The following NBEA variants were observed in gnomAD, a reference collection of about 807,000 sequenced individuals.
The protein encoded by NBEA is lysosomal-trafficking regulator 2.
In NBEA, 44 loss-of-function variants were observed where a neutral mutation model predicts 343.4. The observed-to-expected ratio is 0.13, with a 90% CI of 0.10 to 0.16. The LOEUF is 0.16. NBEA is among the 10% of genes least tolerant of loss of function. The pLI is 1.00. For missense variants in NBEA, 2,555 were observed against 3,631.3 expected, an observed-to-expected ratio of 0.70 and a Z score of 7.62; for synonymous variants, 1,175 against 1,238.7, an observed-to-expected ratio of 0.95 and a Z score of 1.08.
intron 10 of NBEA, among the ~76,000 whole-genome samples, chr13:35,084,296 C>T (rs1009369932): frequency 2.0e-5 from 3 of 152,140 alleles, no homozygotes; most frequent in Non-Finnish European, 4.4e-5. Context: ...CCACACCACA[C>T]CTATTCCAAA....
At chr13:35,133,464 T>C (rs112573264) in intron 17 of NBEA, among the ~76,000 whole-genome samples, 1 of 152,084 alleles carries the variant, frequency 6.6e-6, no homozygotes. Context: ...AATATACTTA[T>C]ACTCTATGAC....
Position 35,520,667 on chromosome 13 carries a change from C to G in NBEA, c.6586-29810C>G, listed in dbSNP as rs1198197753. ...CAACTAGCTTCAGGAATTGATTCCCCTATTTCTCTCTTCCAGTACTATTAT... is the reference window on the plus strand; with the variant it reads ...CAACTAGCTTCAGGAATTGATTCCCGTATTTCTCTCTTCCAGTACTATTAT... On this transcript the variant is annotated intron_variant, in intron 41 of 58. Coordinates refer to ENST00000379939, the MANE Select transcript of NBEA (RefSeq NM_001385012.1). Among the ~76,000 whole-genome samples the G allele has an allele frequency of 3.9e-5, 6 of 152,106 alleles. No homozygotes were observed. In the East Asian group the frequency reaches 1.2e-3, roughly 29 times the overall value.
intron 10 of NBEA, among the ~76,000 whole-genome samples, chr13:35,076,802 C>T (rs2064140009): frequency 1.3e-5 from 2 of 152,056 alleles, no homozygotes; most frequent in East Asian, 3.8e-4. Context: ...GTCTTACTAT[C>T]TTCTAACAGG....
intron 1 of NBEA, among the ~76,000 whole-genome samples, chr13:35,014,736 A>C (rs1341781220): frequency 6.6e-6 from 1 of 151,382 alleles, no homozygotes; most frequent in Non-Finnish European, 1.5e-5. Flanking sequence ...GTGGGAGCAG[A>C]CACCAGACAA....
At chr13:35,072,963 T>A (rs932520939) in intron 10 of NBEA, among the ~76,000 whole-genome samples, 5 of 152,240 alleles carry the variant, frequency 3.3e-5, no homozygotes, top group Admixed American at 3.3e-4. Flanking sequence ...AGTTATGTAC[T>A]ATTTTTAATT....
intron 34 of NBEA, among the ~76,000 whole-genome samples, chr13:35,281,884 A>T (rs982199900): frequency 6.6e-6 from 1 of 151,942 alleles, no homozygotes; most frequent in Non-Finnish European, 1.5e-5. Context: ...GCTTAAAAGG[A>T]TTTATATTTT....
chr13:35,628,055 C>G (rs1362728565), intron 48 of NBEA, 26 bp from the exon 49 acceptor site: 1 of 1,587,154 alleles, frequency 6.3e-7, no homozygotes, highest in Non-Finnish European at 8.6e-7. Context: ...TTGATGGTCT[C>G]TCATTTCTTT....
chr13:35,609,347 C>A (rs1278117288), intron 48 of NBEA, among the ~76,000 whole-genome samples: 1 of 152,116 alleles, frequency 6.6e-6, no homozygotes, highest in Non-Finnish European at 1.5e-5. Flanking sequence ...TCAGTGGTAC[C>A]CATTCCATTC....
chr13:35,160,499 A>G (rs1317571526), intron 22 of NBEA, among the ~76,000 whole-genome samples: 1 of 152,166 alleles, frequency 6.6e-6, no homozygotes, highest in African/African-American at 2.4e-5. Flanking sequence ...ATGAAGGGGA[A>G]GGGAAAAGGG....
At position 35,617,293 on chromosome 13, in the gene NBEA, G is replaced by A. The variant is rs192516041; in HGVS notation, c.7449+10715G>A. Reference sequence around the variant, plus strand: ...TGAAACTTTATTCCATGGAGCGAAAGGCTTTATACAAAATTCTGCATATTC... The same window carrying A: ...TGAAACTTTATTCCATGGAGCGAAAAGCTTTATACAAAATTCTGCATATTC... On this transcript the variant is annotated intron_variant, in intron 48 of 58. Coordinates refer to ENST00000379939, the MANE Select transcript of NBEA (RefSeq NM_001385012.1). Among the ~76,000 whole-genome samples the A allele has an allele frequency of 5.8e-4, 88 of 152,320 alleles. 1 individual carries two copies. The highest frequency in any genetic ancestry group is 2.1e-3 in the African/African-American group (86 of 41,564).
At chr13:35,451,574 A>C (rs1164603011) in intron 39 of NBEA, among the ~76,000 whole-genome samples, 2 of 152,062 alleles carry the variant, frequency 1.3e-5, no homozygotes, top group African/African-American at 4.8e-5. Flanking sequence ...TCCAATGATC[A>C]TTTTTCCCCT....
intron 41 of NBEA, among the ~76,000 whole-genome samples, chr13:35,497,652 A>G (rs1272982575): frequency 6.6e-6 from 1 of 152,038 alleles, no homozygotes; most frequent in East Asian, 1.9e-4. Flanking sequence ...CCATCAATTT[A>G]GATAGTACCT....
Position 35,156,139 on chromosome 13 carries a change from A to T in NBEA, c.2584A>T (p.Met862Leu), listed in dbSNP as rs773104036. ...LKNSTPSAEL[M>L]EVRRLFLSDM... ...AAACTCTACACCAAGTGCAGAGCTG[A>T]TGGAAGTTCGTCGTTTATTTTTATC... Residue 862 changes from methionine to leucine, a missense_variant, in exon 20 of 59, where the codon ATG (methionine) becomes TTG (leucine). This residue lies in a region of NBEA where 360 missense variants were observed against 519.1 expected (regional missense o/e 0.69). Transcript: ENST00000379939. 7 of 1,593,800 alleles carry T rather than the reference A, an allele frequency of 4.4e-6. No individual in the cohort carries two copies. The highest frequency in any genetic ancestry group is 1.3e-5 in the African/African-American group (1 of 74,292).
intron 41 of NBEA, among the ~76,000 whole-genome samples, chr13:35,545,117 A>G (rs1365654683): frequency 6.6e-6 from 1 of 152,250 alleles, no homozygotes; most frequent in African/African-American, 2.4e-5. Context: ...TTATGTAACC[A>G]GTAAAGGTAT....
intron 1 of NBEA, among the ~76,000 whole-genome samples, chr13:35,004,725 AC>A (rs1279270232): frequency 6.6e-6 from 1 of 152,194 alleles, no homozygotes; most frequent in African/African-American, 2.4e-5. Context: ...TAGTAATCCC[AC>A]TTGGTATATG....
chr13:35,319,767 G>C (rs922190040), intron 36 of NBEA, among the ~76,000 whole-genome samples: 1 of 152,114 alleles, frequency 6.6e-6, no homozygotes, highest in African/African-American at 2.4e-5. Context: ...TTATGAATCT[G>C]GGTGCTCCTG....
At chr13:35,304,256 A>G (rs1345878882) in intron 35 of NBEA, among the ~76,000 whole-genome samples, 1 of 152,206 alleles carries the variant, frequency 6.6e-6, no homozygotes, top group Non-Finnish European at 1.5e-5. Flanking sequence ...GGAGTTGAAC[A>G]CAAATACAGG....
chr13:35,390,021 T>TA (rs1045590429), intron 38 of NBEA, among the ~76,000 whole-genome samples: 2 of 145,102 alleles, frequency 1.4e-5, no homozygotes, highest in African/African-American at 5.1e-5. Flanking sequence ...TACTCTCTGA[T>TA]ATATCGTTTT....
At chr13:35,605,956 A>G (rs955096838) in intron 47 of NBEA, among the ~76,000 whole-genome samples, 3 of 152,190 alleles carry the variant, frequency 2.0e-5, no homozygotes, top group Admixed American at 6.5e-5. Context: ...AAAATCACAT[A>G]TTGTAATTGT....
Sources: gnomAD v4.1 joint callset for allele counts (sites outside exome capture counted in the v4.1 genomes callset) on GRCh38, gnomAD v4.1.1 for gene constraint, gnomAD v4.1.1 regional missense constraint, MANE v1.5 for transcripts, NCBI Gene and HGNC (gene_info 2026-07-23, HGNC 2026-07-21) for gene names.